The following SNRPC variants were observed in gnomAD, a reference collection of about 807,000 sequenced individuals.
SNRPC encodes the protein small nuclear ribonucleoprotein polypeptide C, also known as U1 small nuclear ribonucleoprotein C.
A neutral mutation model predicts 20.0 loss-of-function variants in SNRPC; 5 were observed. The observed-to-expected ratio is 0.25, with a 90% CI of 0.13 to 0.53. The LOEUF is 0.53. SNRPC is among the 20% of genes least tolerant of loss of function. SNRPC has a pLI of 0.96. For synonymous variants in SNRPC, 61 were observed against 58.7 expected (o/e 1.04, Z -0.18); for missense variants, 112 against 224.1 (o/e 0.50, Z 3.19).
intron 2 of SNRPC, 55 bp downstream of exon 2, chr6:34,758,009 G>T: frequency 1.3e-6 from 2 of 1,561,694 alleles, no homozygotes; most frequent in Non-Finnish European, 1.7e-6. Flanking sequence ...ATAATTAAAT[G>T]AGTTTTGTGT....
At chr6:34,761,470 A>T (rs992975749) in intron 2 of SNRPC, among the ~76,000 whole-genome samples, 2 of 149,680 alleles carry the variant, frequency 1.3e-5, no homozygotes, top group Non-Finnish European at 3.0e-5. Flanking sequence ...GGCTTAAGGC[A>T]TCATTGTATT....
At chr6:34,767,647 C>T (rs1764630123) in intron 3 of SNRPC, among the ~76,000 whole-genome samples, 1 of 152,090 alleles carries the variant, frequency 6.6e-6, no homozygotes, top group Non-Finnish European at 1.5e-5. Context: ...AATTTTTGCT[C>T]CAGTCTCCCA....
intron 2 of SNRPC, among the ~76,000 whole-genome samples, chr6:34,758,253 G>A (rs1764479740): frequency 6.6e-6 from 1 of 151,888 alleles, no homozygotes; most frequent in African/African-American, 2.4e-5. Flanking sequence ...CTCCAGCCTG[G>A]ACAACAAAAC....
At chr6:34,759,259 G>C (rs1764502419) in intron 2 of SNRPC, among the ~76,000 whole-genome samples, 1 of 152,184 alleles carries the variant, frequency 6.6e-6, no homozygotes, top group African/African-American at 2.4e-5. Context: ...TATACAGTTT[G>C]TGTCTCAGTC....
intron 4 of SNRPC, 29 bp from the exon 5 acceptor site, chr6:34,770,262 T>G: frequency 6.9e-7 from 1 of 1,459,330 alleles, no homozygotes; most frequent in Non-Finnish European, 9.6e-7. Flanking sequence ...TGAGCACACC[T>G]TAACCACAGG....
chr6:34,769,306 T>C (rs1342587136), intron 4 of SNRPC, among the ~76,000 whole-genome samples: 1 of 149,608 alleles, frequency 6.7e-6, no homozygotes, highest in Non-Finnish European at 1.5e-5. Flanking sequence ...CTCAGCTCAC[T>C]GCAACCTCCG....
intron 3 of SNRPC, among the ~76,000 whole-genome samples, chr6:34,766,262 C>A (rs185889304): frequency 2.6e-5 from 4 of 151,938 alleles, no homozygotes; most frequent in African/African-American, 7.2e-5. Flanking sequence ...GTGCAGTGGC[C>A]TGATCATAGC....
At chr6:34,758,996 G>A (rs1764493983) in intron 2 of SNRPC, among the ~76,000 whole-genome samples, 1 of 143,834 alleles carries the variant, frequency 7.0e-6, no homozygotes, top group South Asian at 2.2e-4. Context: ...CTCCAGCCTG[G>A]GCGACAGAGC....
At chr6:34,771,024 C>T (rs1046335037) in intron 5 of SNRPC, among the ~76,000 whole-genome samples, 1 of 152,066 alleles carries the variant, frequency 6.6e-6, no homozygotes, top group Non-Finnish European at 1.5e-5. Flanking sequence ...ATGAGCAGGA[C>T]CTTTGCTTTG....
intron 2 of SNRPC, among the ~76,000 whole-genome samples, chr6:34,758,951 C>T (rs1178292559): frequency 2.2e-5 from 3 of 134,676 alleles, no homozygotes; most frequent in East Asian, 2.5e-4. Context: ...ACCTCGGAGG[C>T]GGAGCTTGCA....
rs1414954344 is a variant in SNRPC at position 34,773,404 on chromosome 6, T to C, written c.356-42T>C. 1 of 1,598,826 alleles carries C rather than the reference T, an allele frequency of 6.3e-7. No individual in the cohort carries two copies. The highest frequency in any genetic ancestry group is 1.3e-5 in the African/African-American group (1 of 74,684). ...ATCAAACTCTCCCTAAATCGTATTT[T>C]CTGACTCCCTTTTTCTCCCTCTTCT... On this transcript the variant is annotated intron_variant, in intron 5 of 5. Transcript: ENST00000244520. This position sits in a 1 kb window ranked among gnomAD's most constrained non-coding sequence, Gnocchi z 4.1.
At chr6:34,768,723 C>T in intron 4 of SNRPC, among the ~76,000 whole-genome samples, 1 of 145,576 alleles carries the variant, frequency 6.9e-6, no homozygotes, top group Non-Finnish European at 1.5e-5. Flanking sequence ...CTGTGTACTC[C>T]AGCCTGGGCA....
chr6:34,762,825 G>A (rs1379715597), intron 3 of SNRPC, 122 bp downstream of exon 3: 10 of 641,882 alleles, frequency 1.6e-5, no homozygotes, highest in African/African-American at 7.4e-5. Context: ...TGGATGTGTC[G>A]AATGAAAGAA....
intron 2 of SNRPC, among the ~76,000 whole-genome samples, chr6:34,759,623 T>C (rs1309018312): frequency 6.6e-6 from 1 of 152,226 alleles, no homozygotes; most frequent in African/African-American, 2.4e-5. Context: ...AGTACATACG[T>C]TGAAGAATAC....
At chr6:34,758,094 G>C in intron 2 of SNRPC, 140 bp downstream of exon 2, 6 of 913,496 alleles carry the variant, frequency 6.6e-6, no homozygotes, top group Non-Finnish European at 9.8e-6. Flanking sequence ...ATAATTGGAG[G>C]TTATTTTCCC....
intron 3 of SNRPC, 40 bp downstream of exon 3, chr6:34,762,743 C>G: frequency 9.7e-7 from 1 of 1,029,712 alleles, no homozygotes; most frequent in South Asian, 1.3e-5. Flanking sequence ...TAAAATGGTC[C>G]TATTCTTTCT....
chr6:34,767,054 C>G (rs1764622923), intron 3 of SNRPC, among the ~76,000 whole-genome samples: 1 of 152,102 alleles, frequency 6.6e-6, no homozygotes, highest in African/African-American at 2.4e-5. Flanking sequence ...TTGCATTAGA[C>G]TTTCTTAAAA....
intron 3 of SNRPC, among the ~76,000 whole-genome samples, chr6:34,767,431 G>A (rs1203155384): frequency 6.6e-6 from 1 of 152,194 alleles, no homozygotes; most frequent in Non-Finnish European, 1.5e-5. Flanking sequence ...GACCAGCCCG[G>A]GCAATATGGT....
In SNRPC at chr6:34,767,974, T is replaced by G; in HGVS notation, c.227T>G (p.Met76Arg). The change falls in exon 4 of 6, where the codon ATG becomes AGG. Residue 76 changes from methionine (M) to arginine (R), a missense_variant. Met to Arg is a moderately conservative substitution (Grantham distance 91). Coordinates refer to ENST00000244520, the MANE Select transcript of SNRPC (RefSeq NM_003093.3). ...TCTGCTCCTCCTCCTGCAGGGGCGA[T>G]GATACCACCTCCCCCCAGCCTTCGT... ...PFSAPPPAGA[M>R]IPPPPSLPGP... 6.2e-7 allele frequency: 1 copy of G among 1,612,304 alleles called. No individual in the cohort carries two copies. Among genetic ancestry groups the G allele is most frequent in the Non-Finnish European group, 8.5e-7 (1 of 1,179,464 alleles).
Sources: allele counts gnomAD v4.1 joint callset (sites outside exome capture counted in the v4.1 genomes callset), GRCh38; gene constraint gnomAD v4.1.1; non-coding constraint Gnocchi (gnomAD v3.1); transcripts MANE v1.5; gene names NCBI Gene and HGNC (gene_info 2026-07-23, HGNC 2026-07-21).